PARD3B: variants seen among roughly 807,000 people sequenced by gnomAD.
The protein encoded by PARD3B is par-3 family cell polarity regulator beta, also known as partitioning defective 3 homolog B.
PARD3B carries 103 observed loss-of-function variants against 130.2 expected under a neutral mutation model. The ratio of observed to expected loss-of-function variants is 0.79; its 90% CI spans 0.67 to 0.93. The LOEUF is 0.93. Among genes scored for constraint, PARD3B ranks in the 40% least tolerant of loss-of-function variants. PARD3B has a pLI of 0.00. For missense variants in PARD3B, 1,609 were observed against 1,499.2 expected (o/e 1.07, Z -1.21); for synonymous variants, 583 against 553.2 (o/e 1.05, Z -0.76).
intron 1 of PARD3B, among the ~76,000 whole-genome samples, chr2:204,650,610 A>G (rs1456880358): frequency 6.6e-6 from 1 of 152,204 alleles, no homozygotes; most frequent in Non-Finnish European, 1.5e-5. Flanking sequence ...ACATGGATGG[A>G]GTAGGAGGCC....
At chr2:204,875,883 C>T (rs1255213430) in intron 2 of PARD3B, among the ~76,000 whole-genome samples, 1 of 152,184 alleles carries the variant, frequency 6.6e-6, no homozygotes, top group African/African-American at 2.4e-5. Flanking sequence ...TAAGAAACAT[C>T]TGTACAGGGT....
At chr2:204,666,062 G>GTAA (rs2036009098) in intron 1 of PARD3B, among the ~76,000 whole-genome samples, 1 of 152,180 alleles carries the variant, frequency 6.6e-6, no homozygotes, top group Non-Finnish European at 1.5e-5. Context: ...GTCACCAGTA[G>GTAA]TAATGGACTT....
rs551276697 is a variant in PARD3B at position 205,468,409 on chromosome 2, C to T, written c.3044+27737C>T. 3.3e-5 allele frequency among the ~76,000 whole-genome samples: 5 copies of T among 152,320 alleles called. No homozygotes were observed. The South Asian group carries it at 1.0e-3, about 32-fold the overall frequency. On this transcript the variant is annotated intron_variant, in intron 20 of 22. Transcript: ENST00000406610. The stretch of plus-strand genomic sequence containing the variant: ...TCTCCTTCTCAGTAAACCAATCATC[C>T]CTCAAGAAGTCGTGCCTGTAAAAGA...
rs1490978922 is a variant in PARD3B at position 205,584,240 on chromosome 2, G to A, written c.3260+30837G>A. On this transcript the variant is annotated intron_variant, in intron 22 of 22. Coordinates refer to ENST00000406610, the MANE Select transcript of PARD3B (RefSeq NM_001302769.2). The surrounding 1 kb of genome is among the most constrained non-coding windows in gnomAD (Gnocchi z 5.5). ...TGCACACCAGGTCCCAAGACTTAAT[G>A]CCAAAAGCAAAAGAATATTAAATAT... Among the ~76,000 whole-genome samples the A allele has an allele frequency of 6.6e-6, 1 of 152,090 alleles. No homozygotes were observed. The highest frequency in any genetic ancestry group is 1.5e-5 in the Non-Finnish European group (1 of 68,028).
chr2:204,566,573 A>G (rs2031685742), intron 1 of PARD3B, among the ~76,000 whole-genome samples: 1 of 152,202 alleles, frequency 6.6e-6, no homozygotes, highest in Non-Finnish European at 1.5e-5. Context: ...AAAAAAATCA[A>G]TTCCTTTTCC....
intron 2 of PARD3B, among the ~76,000 whole-genome samples, chr2:204,840,965 G>A (rs375237071): frequency 6.6e-6 from 1 of 151,966 alleles, no homozygotes; most frequent in Non-Finnish European, 1.5e-5. Flanking sequence ...ATCCACTAGG[G>A]GTCTGGAAAC....
At chr2:205,544,563 G>A (rs1320419019) in intron 21 of PARD3B, among the ~76,000 whole-genome samples, 2 of 152,088 alleles carry the variant, frequency 1.3e-5, no homozygotes, top group Non-Finnish European at 2.9e-5. Flanking sequence ...GACACAAACA[G>A]AGCTGGCAGG....
chr2:205,296,154 G>T (rs1212609), intron 16 of PARD3B, among the ~76,000 whole-genome samples: 126,353 of 152,150 alleles, frequency 0.83, 52,750 homozygotes, highest in South Asian at 0.9. Flanking sequence ...CGATGTGCCA[G>T]GCACCCTTCT....
chr2:205,535,977 T>C (rs2051835800), intron 21 of PARD3B, among the ~76,000 whole-genome samples: 1 of 152,148 alleles, frequency 6.6e-6, no homozygotes, highest in Non-Finnish European at 1.5e-5. Context: ...TGGGGTAGGA[T>C]TGAGACGTAA....
At chr2:204,852,101 A>C (rs879385265) in intron 2 of PARD3B, among the ~76,000 whole-genome samples, 4 of 152,160 alleles carry the variant, frequency 2.6e-5, no homozygotes, top group African/African-American at 9.6e-5. Flanking sequence ...TAATGACAGT[A>C]GTGTGTAACA....
At chr2:205,464,254 TTTG>T (rs1431348420) in intron 20 of PARD3B, among the ~76,000 whole-genome samples, 1 of 152,146 alleles carries the variant, frequency 6.6e-6, no homozygotes, top group Non-Finnish European at 1.5e-5. Flanking sequence ...AGTTGTAAAA[TTTG>T]TTGTCAGAGC....
intron 18 of PARD3B, among the ~76,000 whole-genome samples, chr2:205,371,322 C>G (rs1202301043): frequency 6.6e-6 from 1 of 152,068 alleles, no homozygotes; most frequent in Admixed American, 6.6e-5. Context: ...TATAAATAAC[C>G]ACACACAATG....
At chr2:205,006,178 G>A (rs1695252069) in intron 3 of PARD3B, among the ~76,000 whole-genome samples, 1 of 152,144 alleles carries the variant, frequency 6.6e-6, no homozygotes, top group African/African-American at 2.4e-5. Flanking sequence ...ATTCCACGGT[G>A]TATATATACC....
intron 4 of PARD3B, among the ~76,000 whole-genome samples, chr2:205,104,069 C>G (rs139653027): frequency 2.0e-5 from 3 of 152,256 alleles, no homozygotes; most frequent in Non-Finnish European, 1.5e-5. Context: ...TACCTTAAGG[C>G]TAATATATCA....
intron 2 of PARD3B, among the ~76,000 whole-genome samples, chr2:204,751,966 A>C (rs1434805477): frequency 6.6e-6 from 1 of 152,152 alleles, no homozygotes; most frequent in African/African-American, 2.4e-5. Flanking sequence ...TGTGATGTCA[A>C]GGGCTATGTA....
At position 205,473,870 on chromosome 2, in the gene PARD3B, C is replaced by A. The variant is rs546965859; in HGVS notation, c.3045-26026C>A. Among the ~76,000 whole-genome samples, 28 of 150,908 alleles carry A rather than the reference C, an allele frequency of 1.9e-4. No homozygotes were observed. The highest frequency in any genetic ancestry group is 6.3e-4 in the African/African-American group (26 of 41,038). On this transcript the variant is annotated intron_variant, in intron 20 of 22. Coordinates refer to ENST00000406610, the MANE Select transcript of PARD3B (RefSeq NM_001302769.2). The surrounding 1 kb of genome is among the most constrained non-coding windows in gnomAD (Gnocchi z 4.9). Reference sequence around the variant, plus strand: ...TTAAATGAACTTCACCCTGAGCTACCAAATTATACTTTTGCAAGCTTGATC... The same window carrying A: ...TTAAATGAACTTCACCCTGAGCTACAAAATTATACTTTTGCAAGCTTGATC...
chr2:205,389,672 A>G (rs2045783742), intron 18 of PARD3B, among the ~76,000 whole-genome samples: 1 of 152,208 alleles, frequency 6.6e-6, no homozygotes, highest in African/African-American at 2.4e-5. Flanking sequence ...TAATGGTAGG[A>G]TGCAATCTAA....
intron 2 of PARD3B, among the ~76,000 whole-genome samples, chr2:204,884,659 C>CCA (rs1274602308): frequency 6.6e-6 from 1 of 152,106 alleles, no homozygotes; most frequent in Non-Finnish European, 1.5e-5. Context: ...CTCTATGCAT[C>CCA]CATGTGTTCT....
rs375834806 is a variant in PARD3B at position 205,175,217 on chromosome 2, C to T, written c.1792-1228C>T. Among the ~76,000 whole-genome samples, 37 of 151,968 alleles carry T rather than the reference C, an allele frequency of 2.4e-4. 2 individuals are homozygous for T. The East Asian group carries it at 3.3e-3, about 13-fold the overall frequency. The stretch of plus-strand genomic sequence containing the variant: ...GGGAAGCAGAAAAAAATTTTTTGTT[C>T]TTGTTGTTATTGTTAAATCAAAGCA... On this transcript the variant is annotated intron_variant, in intron 12 of 22. Transcript: ENST00000406610.
Sources: allele counts gnomAD v4.1 joint callset (sites outside exome capture counted in the v4.1 genomes callset), GRCh38; gene constraint gnomAD v4.1.1; non-coding constraint Gnocchi (gnomAD v3.1); transcripts MANE v1.5; gene names NCBI Gene and HGNC (gene_info 2026-07-23, HGNC 2026-07-21).